The following KIF11 variants were observed in gnomAD, a reference collection of about 807,000 sequenced individuals.
The protein encoded by KIF11 is kinesin family member 11.
A neutral mutation model predicts 121.0 loss-of-function variants in KIF11; 9 were observed. The observed-to-expected ratio is 0.07, with a 90% CI of 0.04 to 0.13. The LOEUF (loss-of-function observed/expected upper bound fraction) is 0.13, where lower values mean the gene tolerates loss of function less well. Ranked by LOEUF, KIF11 falls within the 10% of genes least tolerant of loss-of-function variation. The pLI, the probability that KIF11 is intolerant of heterozygous loss-of-function variation, is 1.00. For synonymous variants in KIF11, 408 were observed against 421.0 expected, an observed-to-expected ratio of 0.97 and a Z score of 0.38; for missense variants, 846 against 1,217.5, an observed-to-expected ratio of 0.69 and a Z score of 4.54.
intron 18 of KIF11, among the ~76,000 whole-genome samples, chr10:92,646,556 T>C (rs551965809): frequency 6.6e-6 from 1 of 152,184 alleles, no homozygotes; most frequent in African/African-American, 2.4e-5. Flanking sequence ...ATGTATAATA[T>C]ATGAGCCTAG....
At position 92,602,621 on chromosome 10, in the gene KIF11, T is replaced by C. The variant is rs78295839; in HGVS notation, c.78-3644T>C. ...GTTCTTTTGTTTCCAGTTCCTTAAG[T>C]TGTAAAGTTAGGGTGTTGATATGAG... On this transcript the variant is annotated intron_variant, in intron 1 of 21. Transcript: ENST00000260731. 0.017 allele frequency among the ~76,000 whole-genome samples: 2,527 copies of C among 152,166 alleles called. 187 individuals are homozygous for C. In the East Asian group the frequency reaches 0.23, roughly 14 times the overall value.
rs143599079 is a variant in KIF11, at chr10:92,609,770, C to T, written c.698+261C>T. ...TTCTTTTTTGAGACGAATTTTCGCT[C>T]TTGTTACCCAGGCTGGAGTGCAGTG... is the stretch of plus-strand genomic sequence containing the variant. On this transcript the variant is annotated intron_variant, in intron 6 of 21. Coordinates refer to ENST00000260731, the MANE Select transcript of KIF11 (RefSeq NM_004523.4). Among the ~76,000 whole-genome samples, 7 of 152,196 alleles carry T rather than the reference C, an allele frequency of 4.6e-5. No homozygotes were observed. The East Asian group carries it at 1.4e-3, about 29-fold the overall frequency.
rs539013160 is a variant in KIF11, at chr10:92,650,583, G to A, written c.3039+66G>A. ...CATTCATTTACTATTCATTATAAAGGTATTGTTCGTGGTGAGCAGAACAAC... is the reference window on the plus strand; with the variant it reads ...CATTCATTTACTATTCATTATAAAGATATTGTTCGTGGTGAGCAGAACAAC... On this transcript the variant is annotated intron_variant, in intron 21 of 21. Transcript: ENST00000260731. 255 of 919,924 alleles carry A rather than the reference G, an allele frequency of 2.8e-4. 1 individual carries two copies. The African/African-American group carries it at 3.3e-3, about 12-fold the overall frequency. The allele number at this position is 919,924 out of a possible 1,614,324, so 57.0% of individuals were successfully genotyped here.
chr10:92,601,908 A>G (rs561494249), intron 1 of KIF11, among the ~76,000 whole-genome samples: 18 of 151,898 alleles, frequency 1.2e-4, no homozygotes, highest in Non-Finnish European at 2.5e-4. Context: ...TGGGTTTTTC[A>G]TATGTTGCTT....
chr10:92,612,208 T>C (rs1395506981), intron 6 of KIF11, among the ~76,000 whole-genome samples: 4 of 152,114 alleles, frequency 2.6e-5, no homozygotes, highest in African/African-American at 9.7e-5. Flanking sequence ...CAATCATGGC[T>C]TACTGCAGCC....
At chr10:92,652,100 T>C (rs1439348257) in intron 21 of KIF11, among the ~76,000 whole-genome samples, 1 of 151,180 alleles carries the variant, frequency 6.6e-6, no homozygotes, top group Non-Finnish European at 1.5e-5. Context: ...CATGAACCAC[T>C]GCGCCTGGCT....
chr10:92,643,268 T>C (rs571568769), intron 17 of KIF11, among the ~76,000 whole-genome samples: 6 of 152,330 alleles, frequency 3.9e-5, no homozygotes, highest in South Asian at 2.1e-4. Context: ...CATTGACTTA[T>C]TTATACTTTT....
chr10:92,640,278 T>C (rs1016177640), intron 17 of KIF11, among the ~76,000 whole-genome samples: 2 of 152,076 alleles, frequency 1.3e-5, no homozygotes, highest in African/African-American at 4.8e-5. Flanking sequence ...ATAATTTCAT[T>C]GGACACTGTT....
intron 1 of KIF11, among the ~76,000 whole-genome samples, chr10:92,602,961 TCTC>T (rs1408153960): frequency 4.0e-5 from 6 of 151,294 alleles, no homozygotes; most frequent in Non-Finnish European, 8.8e-5. Context: ...TTCAAGCGAT[TCTC>T]CTGTCTCAGC....
intron 1 of KIF11, among the ~76,000 whole-genome samples, chr10:92,594,232 T>C (rs1002719184): frequency 5.3e-5 from 8 of 152,234 alleles, no homozygotes; most frequent in Non-Finnish European, 1.2e-4. Flanking sequence ...TTGCAACTTT[T>C]CTGTAAACCC....
rs5787007 is a variant in KIF11 at position 92,633,931 on chromosome 10, ACAGT to A, written c.1875+139_1875+142del. ...TCTTTCTTCCTGAGCTTTACTAGAC[ACAGT>A]CATAGACACGTCACTGTGAGAGACT... On this transcript the variant is annotated intron_variant, in intron 14 of 21. Coordinates refer to ENST00000260731, the MANE Select transcript of KIF11 (RefSeq NM_004523.4). The A allele has an allele frequency of 0.081, 48,102 of 593,960 alleles. 5,151 individuals are homozygous for A. The highest frequency in any genetic ancestry group is 0.4 in the African/African-American group (21,040 of 53,112). 36.8% of individuals were successfully genotyped at this position (593,960 alleles called of 1,614,324 possible). A position where few individuals can be genotyped will look rare whatever the true frequency, so the allele number is the denominator to read the frequency against.
chr10:92,616,816 A>G lies in KIF11; in HGVS notation c.1112A>G (p.Lys371Arg). The G allele has an allele frequency of 1.3e-6, 2 of 1,590,836 alleles. No individual in the cohort carries two copies. The highest frequency in any genetic ancestry group is 2.7e-5 in the African/African-American group (2 of 74,250). ...CCTGAAGTGAATCAGAAACTCACCA[A>G]AAAAGCTCTTATTAAGGTAACTGTG... ...NKPEVNQKLT[K>R]KALIKEYTEE... The change falls in exon 9 of 22, where the codon AAA becomes AGA. Residue 371 changes from lysine (K) to arginine (R), a missense_variant. Physicochemically the swap from Lys to Arg is conservative, Grantham distance 26. This residue lies in a region of KIF11 where 116 missense variants were observed against 285.3 expected (regional missense o/e 0.41). Coordinates refer to ENST00000260731, the MANE Select transcript of KIF11 (RefSeq NM_004523.4).
intron 1 of KIF11, among the ~76,000 whole-genome samples, chr10:92,600,167 G>A (rs1352327514): frequency 6.6e-6 from 1 of 151,552 alleles, no homozygotes; most frequent in Non-Finnish European, 1.5e-5. Context: ...ACCATGCCCG[G>A]CCAATTTTTG....
At chr10:92,635,384 A>C (rs565890364) in intron 14 of KIF11, among the ~76,000 whole-genome samples, 30 of 152,336 alleles carry the variant, frequency 2.0e-4, no homozygotes, top group Middle Eastern at 3.4e-3. Flanking sequence ...GACCACTGCA[A>C]TAAAGTGAAT....
chr10:92,612,754 G>C (rs1391538180), intron 6 of KIF11, among the ~76,000 whole-genome samples: 3 of 152,210 alleles, frequency 2.0e-5, no homozygotes, highest in Admixed American at 1.3e-4. Context: ...CCAGGCAACT[G>C]TTTCGACCCC....
rs1233007673 is a variant in KIF11, at chr10:92,638,689, C to CT, written c.2161-1104dup. On this transcript the variant is annotated intron_variant, in intron 16 of 21. Transcript: ENST00000260731. ...GGTTTTCCAGAACTTGAAATGAGCA[C>CT]TACTAAAATAATTATGTAAAACTTT... Among the ~76,000 whole-genome samples, 18 of 152,240 alleles carry CT rather than the reference C, an allele frequency of 1.2e-4. No individual in the cohort carries two copies. In the South Asian group the frequency reaches 3.5e-3, roughly 30 times the overall value.
At chr10:92,615,466 G>T (rs976482861) in intron 8 of KIF11, among the ~76,000 whole-genome samples, 9 of 151,768 alleles carry the variant, frequency 5.9e-5, no homozygotes. Context: ...AAAAATCTTT[G>T]TTGAGATTTA....
In KIF11 at chr10:92,621,408, T is replaced by C; in HGVS notation, c.1152T>C (p.Arg384=). 2 of 1,612,944 alleles carry C rather than the reference T, an allele frequency of 1.2e-6. No homozygotes were observed. The highest frequency in any genetic ancestry group is 1.7e-6 in the Non-Finnish European group (2 of 1,179,050). ...AGGAGTATACGGAGGAGATAGAACG[T>C]TTAAAACGAGATCTTGCTGCAGCCC... The part of the protein sequence containing the change: ...LIKEYTEEIE[R]LKRDLAAARE... The change falls in exon 10 of 22, where the codon CGT becomes CGC. Residue 384 remains arginine, a synonymous_variant. Transcript: ENST00000260731.
intron 14 of KIF11, among the ~76,000 whole-genome samples, chr10:92,636,120 G>C (rs1490589917): frequency 6.6e-6 from 1 of 152,160 alleles, no homozygotes; most frequent in East Asian, 1.9e-4. Context: ...AGTCATCTCA[G>C]ATCTTCAAAG....
Sources: gnomAD v4.1 joint callset for allele counts (sites outside exome capture counted in the v4.1 genomes callset) on GRCh38, gnomAD v4.1.1 for gene constraint, gnomAD v4.1.1 regional missense constraint, MANE v1.5 for transcripts, NCBI Gene and HGNC (gene_info 2026-07-23, HGNC 2026-07-21) for gene names.